NIN: variants seen among roughly 807,000 people sequenced by gnomAD.
NIN encodes ninein, also known as glycogen synthase kinase 3 beta-interacting protein.
In NIN, 137 loss-of-function variants were observed where a neutral mutation model predicts 257.6. The ratio of observed to expected loss-of-function variants is 0.53; its 90% CI spans 0.46 to 0.61. NIN has a LOEUF of 0.61. Ranked by LOEUF, NIN falls within the 20% of genes least tolerant of loss-of-function variation. The pLI, the probability that NIN is intolerant of heterozygous loss-of-function variation, is 0.00. For synonymous variants in NIN, 918 were observed against 919.8 expected (o/e 1.00, Z 0.04); for missense variants, 2,439 against 2,501.2 (o/e 0.98, Z 0.53).
At chr14:50,736,562 C>G (rs2040991071) in intron 27 of NIN, among the ~76,000 whole-genome samples, 1 of 152,142 alleles carries the variant, frequency 6.6e-6, no homozygotes, top group African/African-American at 2.4e-5. Flanking sequence ...TCAAAAAGAG[C>G]TGAGGAGAAC....
intron 25 of NIN, 87 bp from the exon 26 acceptor site, chr14:50,739,574 A>G: frequency 1.6e-6 from 2 of 1,216,742 alleles, no homozygotes; most frequent in Non-Finnish European, 2.3e-6. Flanking sequence ...ACCCAATGAC[A>G]ACGACTCCTA....
rs35995624 is a variant in NIN at position 50,760,437 on chromosome 14, CTTTTTTT to C, written c.1897-85_1897-79del. 4.8e-3 allele frequency: 2,026 copies of C among 424,412 alleles called. 8 individuals are homozygous for C. Among genetic ancestry groups the C allele is most frequent in the Middle Eastern group, 9.9e-3 (14 of 1,414 alleles). The allele number at this position is 424,412 out of a possible 1,614,324, so 26.3% of individuals were successfully genotyped here. ...AAGTGAAGTGATGGAGCAGCAATTG[CTTTTTTT>C]TTTTTTTTTTTTTTCCCTACAAGAC... On this transcript the variant is annotated intron_variant, in intron 16 of 30. Coordinates refer to ENST00000530997, the MANE Select transcript of NIN (RefSeq NM_020921.4).
intron 2 of NIN, among the ~76,000 whole-genome samples, chr14:50,824,917 C>T (rs775408245): frequency 7.2e-5 from 11 of 152,184 alleles, no homozygotes; most frequent in African/African-American, 1.9e-4. Flanking sequence ...TAACATGCAG[C>T]GCTGTCTGAA....
chr14:50,779,347 A>T (rs1242479760), intron 5 of NIN, among the ~76,000 whole-genome samples: 1 of 152,240 alleles, frequency 6.6e-6, no homozygotes, highest in African/African-American at 2.4e-5. Context: ...AAGTGCTATG[A>T]CAAGGAAGTT....
intron 12 of NIN, among the ~76,000 whole-genome samples, chr14:50,770,039 G>A (rs1331755978): frequency 6.6e-6 from 1 of 152,150 alleles, no homozygotes; most frequent in African/African-American, 2.4e-5. Context: ...GAGGGGGGCG[G>A]GCAGGCGAGA....
intron 12 of NIN, among the ~76,000 whole-genome samples, chr14:50,769,499 AT>A (rs369139332): frequency 1.3e-4 from 19 of 148,366 alleles, no homozygotes; most frequent in African/African-American, 2.5e-4. Context: ...CGTTTCTACC[AT>A]TTTTTTTTTC....
intron 21 of NIN, among the ~76,000 whole-genome samples, chr14:50,750,420 T>TC (rs2041738166): frequency 6.6e-6 from 1 of 152,132 alleles, no homozygotes; most frequent in Non-Finnish European, 1.5e-5. Context: ...CAACTTCTTC[T>TC]CCAACAGTGA....
At chr14:50,782,976 A>G (rs886731704) in intron 5 of NIN, among the ~76,000 whole-genome samples, 5 of 151,734 alleles carry the variant, frequency 3.3e-5, no homozygotes, top group Non-Finnish European at 7.4e-5. Context: ...GCGTCGTCAG[A>G]TACGGCACAG....
At chr14:50,817,481 A>G (rs1211857143) in intron 3 of NIN, among the ~76,000 whole-genome samples, 1 of 152,204 alleles carries the variant, frequency 6.6e-6, no homozygotes, top group East Asian at 1.9e-4. Flanking sequence ...TCTAAATTAT[A>G]TATATTTGTA....
At chr14:50,740,697 G>A (rs2041242829) in intron 25 of NIN, among the ~76,000 whole-genome samples, 1 of 152,012 alleles carries the variant, frequency 6.6e-6, no homozygotes, top group East Asian at 1.9e-4. Context: ...GGCCAGGCTG[G>A]TCTTGAACTC....
chr14:50,745,328 T>C (rs1024441835), intron 22 of NIN, among the ~76,000 whole-genome samples: 2 of 152,172 alleles, frequency 1.3e-5, no homozygotes, highest in Non-Finnish European at 2.9e-5. Flanking sequence ...CAGACATTGA[T>C]AAATGTTCTG....
At chr14:50,744,114 A>C in intron 23 of NIN, 129 bp downstream of exon 23, 1 of 963,632 alleles carries the variant, frequency 1.0e-6, no homozygotes, top group East Asian at 2.5e-5. Flanking sequence ...AATGCCAAAG[A>C]AATGCTGCTC....
intron 3 of NIN, among the ~76,000 whole-genome samples, chr14:50,810,508 C>T (rs2044542562): frequency 1.3e-5 from 2 of 152,042 alleles, no homozygotes; most frequent in African/African-American, 2.4e-5. Context: ...CCTGATAACA[C>T]AGCAAGACTC....
intron 9 of NIN, 50 bp downstream of exon 9, chr14:50,772,251 T>A (rs777338961): frequency 3.8e-5 from 57 of 1,500,122 alleles, no homozygotes; most frequent in African/African-American, 1.3e-4. Flanking sequence ...AAATTGAAAA[T>A]TTTCAACCCT....
Position 50,757,709 on chromosome 14 carries a change from A to G in NIN, c.3321T>C (p.Cys1107=), listed in dbSNP as rs1279210485. The G allele has an allele frequency of 6.2e-7, 1 of 1,614,134 alleles. No homozygotes were observed. Among genetic ancestry groups the G allele is most frequent in the South Asian group, 1.1e-5 (1 of 91,070 alleles). The change falls in exon 18 of 31, where the codon TGT becomes TGC. Residue 1107 remains cysteine (C), a synonymous_variant. Coordinates refer to ENST00000530997, the MANE Select transcript of NIN (RefSeq NM_020921.4). The part of the protein sequence containing the change: ...KLEPGLVMSS[C]LDEPATEFFG... Reference sequence around the variant, plus strand: ...AAAACTCAGTAGCTGGCTCATCCAAACAAGAAGACATTACTAACCCTGGCT... The same window carrying G: ...AAAACTCAGTAGCTGGCTCATCCAAGCAAGAAGACATTACTAACCCTGGCT...
chr14:50,796,522 T>A (rs1248009853), intron 4 of NIN, among the ~76,000 whole-genome samples: 2 of 152,198 alleles, frequency 1.3e-5, no homozygotes, highest in Non-Finnish European at 2.9e-5. Flanking sequence ...CACGCCACAT[T>A]TGTTATTTCA....
chr14:50,787,307 C>T (rs1336350532), intron 5 of NIN, among the ~76,000 whole-genome samples: 9 of 152,214 alleles, frequency 5.9e-5, no homozygotes, highest in Non-Finnish European at 1.2e-4. Context: ...CCTTTTCTAC[C>T]AGGCCTGAGT....
rs554643551 is a variant in NIN, at chr14:50,798,164, C to T, written c.266-5283G>A. On this transcript the variant is annotated intron_variant, in intron 4 of 30. Transcript: ENST00000530997. ...GCACCACACTTCTGTGTGCACTAAG[C>T]CCTTTCCAATTAGCACCTCCCTCCC... Among the ~76,000 whole-genome samples, 45 of 152,300 alleles carry T rather than the reference C, an allele frequency of 3.0e-4. No homozygotes were observed. The South Asian group carries it at 9.1e-3, about 31-fold the overall frequency.
intron 26 of NIN, 54 bp downstream of exon 26, chr14:50,739,254 T>TATCA (rs2041152910): frequency 1.3e-6 from 2 of 1,549,382 alleles, no homozygotes; most frequent in Admixed American, 3.4e-5. Context: ...TTCATTTTCC[T>TATCA]ATCAAACTAG....
Sources: gnomAD v4.1 joint callset for allele counts (sites outside exome capture counted in the v4.1 genomes callset) on GRCh38, gnomAD v4.1.1 for gene constraint, MANE v1.5 for transcripts, NCBI Gene and HGNC (gene_info 2026-07-23, HGNC 2026-07-21) for gene names.